The following ST3GAL3 variants were observed in gnomAD, a reference collection of about 807,000 sequenced individuals.
The protein encoded by ST3GAL3 is CMP-N-acetylneuraminate-beta-1,4-galactoside alpha-2,3-sialyltransferase.
ST3GAL3 carries 21 observed loss-of-function variants against 50.1 expected under a neutral mutation model. That is an observed-to-expected ratio of 0.42 (90% confidence interval 0.30 to 0.60). ST3GAL3 has a LOEUF of 0.60. Ranked by LOEUF, ST3GAL3 falls within the 20% of genes least tolerant of loss-of-function variation. ST3GAL3 has a pLI of 0.19. For missense variants in ST3GAL3, 353 were observed against 489.4 expected (o/e 0.72, Z 2.63); for synonymous variants, 183 against 190.0 (o/e 0.96, Z 0.30).
At chr1:43,917,179 T>C (rs528815439) in intron 9 of ST3GAL3, 2 of 151,940 alleles carry the variant, frequency 1.3e-5, no homozygotes, top group South Asian at 4.1e-4. Flanking sequence ...AGACTACCAC[T>C]AGCACCAAGA....
intron 5 of ST3GAL3, chr1:43,894,153 C>G: frequency 1.8e-6 from 1 of 560,458 alleles, no homozygotes. Flanking sequence ...ACTCCTACAG[C>G]TAGCCAAATA....
At chr1:43,746,892 A>G (rs745417971) in intron 2 of ST3GAL3, among the ~76,000 whole-genome samples, 7 of 151,478 alleles carry the variant, frequency 4.6e-5, no homozygotes, top group Non-Finnish European at 8.8e-5. Context: ...CCTCCCAAGT[A>G]GCTGGTACTA....
At chr1:43,845,626 C>T (rs1202083399) in intron 5 of ST3GAL3, among the ~76,000 whole-genome samples, 2 of 151,490 alleles carry the variant, frequency 1.3e-5, no homozygotes. Flanking sequence ...ATATTTTTTC[C>T]ACTATATCAT....
chr1:43,847,988 T>G (rs901615443), intron 5 of ST3GAL3, among the ~76,000 whole-genome samples: 1 of 152,202 alleles, frequency 6.6e-6, no homozygotes, highest in African/African-American at 2.4e-5. Flanking sequence ...TGCGAAGTCT[T>G]TCAGTGTTGG....
At chr1:43,866,477 G>A (rs1347859616) in intron 5 of ST3GAL3, among the ~76,000 whole-genome samples, 3 of 152,122 alleles carry the variant, frequency 2.0e-5, no homozygotes, top group Non-Finnish European at 4.4e-5. Flanking sequence ...CCAGCTACTC[G>A]AGAGGCTGAG....
Position 43,736,346 on chromosome 1 carries a change from G to A in ST3GAL3, c.84G>A (p.Trp28Ter). ...TGGGATTTTTGTATTATTCTGCGTG[G>A]AAGCTACACTTACTCCAGTGGGAGG... ...LVLGFLYYSA[W>*]KLHLLQWEED... The change falls in exon 2 of 12, where the codon TGG (tryptophan) becomes TGA (stop). Residue 28 changes from tryptophan to a stop codon, truncating the protein, a stop_gained. Transcript: ENST00000347631. LOFTEE classifies it high-confidence loss of function. 1 of 1,614,088 alleles carries A rather than the reference G, an allele frequency of 6.2e-7. No individual in the cohort carries two copies. The highest frequency in any genetic ancestry group is 8.5e-7 in the Non-Finnish European group (1 of 1,180,024).
chr1:43,848,788 T>C (rs1478872406), intron 5 of ST3GAL3, among the ~76,000 whole-genome samples: 5 of 152,232 alleles, frequency 3.3e-5, no homozygotes, highest in African/African-American at 1.2e-4. Context: ...ACATGGATGC[T>C]ATATTATTTG....
intron 1 of ST3GAL3, among the ~76,000 whole-genome samples, chr1:43,709,855 A>G (rs1028459099): frequency 3.3e-5 from 5 of 152,032 alleles, no homozygotes; most frequent in African/African-American, 1.2e-4. Context: ...CAAAAAAAAG[A>G]AAGAAAGAAA....
intron 1 of ST3GAL3, chr1:43,727,103 T>C (rs1327982868): frequency 6.6e-6 from 1 of 152,210 alleles, no homozygotes; most frequent in East Asian, 1.9e-4. Context: ...TTATCAGTCT[T>C]TATCTTGATG....
chr1:43,797,365 A>G (rs1167750070), intron 3 of ST3GAL3, among the ~76,000 whole-genome samples: 1 of 152,208 alleles, frequency 6.6e-6, no homozygotes, highest in East Asian at 1.9e-4. Flanking sequence ...TTGTGGCACA[A>G]TACTAGAAGA....
chr1:43,913,572 G>A (rs1310775137), intron 9 of ST3GAL3: 2 of 152,144 alleles, frequency 1.3e-5, no homozygotes, highest in Non-Finnish European at 2.9e-5. Context: ...AACAGGCTGA[G>A]GTTTTGTTGG....
chr1:43,838,070 G>C, intron 4 of ST3GAL3, 149 bp from the exon 5 acceptor site: 1 of 545,226 alleles, frequency 1.8e-6, no homozygotes, highest in Non-Finnish European at 3.2e-6. Context: ...AGCCGAGATT[G>C]CGCCACTGCA....
At chr1:43,893,557 T>C (rs1336508933) in intron 5 of ST3GAL3, among the ~76,000 whole-genome samples, 1 of 152,092 alleles carries the variant, frequency 6.6e-6, no homozygotes, top group Non-Finnish European at 1.5e-5. Context: ...AGACTTCGTC[T>C]CCTCCTCCCC....
At chr1:43,917,520 ATAT>A (rs1557535657) in intron 9 of ST3GAL3, among the ~76,000 whole-genome samples, 1 of 72,220 alleles carries the variant, frequency 1.4e-5, no homozygotes, top group Non-Finnish European at 2.6e-5. Context: ...AATATAATAT[ATAT>A]TATATTATAT....
intron 2 of ST3GAL3, among the ~76,000 whole-genome samples, chr1:43,756,999 G>T (rs1688372081): frequency 6.6e-6 from 1 of 152,074 alleles, no homozygotes. Context: ...CTGCCTCCCG[G>T]TTCAAGTGAT....
chr1:43,928,636 C>T (rs1168307489), intron 11 of ST3GAL3, among the ~76,000 whole-genome samples: 1 of 150,364 alleles, frequency 6.7e-6, no homozygotes, highest in Non-Finnish European at 1.5e-5. Context: ...GGTCCGGGCA[C>T]GGTGGCTCAT....
At chr1:43,774,907 A>G (rs999909289) in intron 2 of ST3GAL3, among the ~76,000 whole-genome samples, 4 of 152,210 alleles carry the variant, frequency 2.6e-5, no homozygotes, top group Non-Finnish European at 5.9e-5. Flanking sequence ...CATTAAACAC[A>G]GGTAAACCTT....
intron 5 of ST3GAL3, among the ~76,000 whole-genome samples, chr1:43,875,292 A>C (rs2073847018): frequency 6.6e-6 from 1 of 152,154 alleles, no homozygotes. Flanking sequence ...TCAGGGAGTG[A>C]GCTTGAGACT....
intron 2 of ST3GAL3, among the ~76,000 whole-genome samples, chr1:43,788,773 T>C (rs935996903): frequency 2.4e-4 from 37 of 152,198 alleles, no homozygotes; most frequent in Non-Finnish European, 7.3e-5. Context: ...CAGGGAACTT[T>C]CAGTTTAATG....
Sources: allele counts gnomAD v4.1 joint callset (sites outside exome capture counted in the v4.1 genomes callset), GRCh38; gene constraint gnomAD v4.1.1; transcripts MANE v1.5; gene names NCBI Gene and HGNC (gene_info 2026-07-23, HGNC 2026-07-21).